The following LZTS1 variants were observed in gnomAD, a reference collection of about 807,000 sequenced individuals.
LZTS1 encodes the protein leucine zipper tumor suppressor 1.
A neutral mutation model predicts 45.8 loss-of-function variants in LZTS1; 31 were observed. That is an observed-to-expected ratio of 0.68 (90% confidence interval 0.51 to 0.91). The LOEUF (loss-of-function observed/expected upper bound fraction) is 0.91. LZTS1 is among the 40% of genes least tolerant of loss of function. The pLI is 0.00. For missense variants in LZTS1, 821 were observed against 788.9 expected (o/e 1.04, Z -0.49); for synonymous variants, 359 against 357.3 (o/e 1.00, Z -0.05).
rs140438437 is a variant in LZTS1 at position 20,286,699 on chromosome 8, G to T, written c.-135+17041C>A. 3.1e-3 allele frequency among the ~76,000 whole-genome samples: 479 copies of T among 152,290 alleles called. 1 individual carries two copies. The highest frequency in any genetic ancestry group is 5.5e-3 in the Non-Finnish European group (371 of 68,018). On this transcript the variant is annotated intron_variant, in intron 1 of 3. Coordinates refer to ENST00000381569, the MANE Select transcript of LZTS1 (RefSeq NM_021020.5). ...ACTTAAAGACCTAGCAGTTTTGTGC[G>T]TAAGAGTCCCAAACTCAAAATATCC...
intron 1 of LZTS1, among the ~76,000 whole-genome samples, chr8:20,279,987 A>T (rs1192092451): frequency 2.1e-5 from 3 of 142,528 alleles, no homozygotes; most frequent in Admixed American, 7.1e-5. Context: ...AAAAAAAAAA[A>T]TTGCTGAAAT....
intron 1 of LZTS1, among the ~76,000 whole-genome samples, chr8:20,288,024 C>A (rs544868909): frequency 6.6e-6 from 1 of 152,256 alleles, no homozygotes; most frequent in East Asian, 1.9e-4. Context: ...ATGGGGAATC[C>A]CGACTGTGGG....
At position 20,274,961 on chromosome 8, in the gene LZTS1, C is replaced by CTGTGTGTGTGTGTGTGTGTGTG. The variant is rs34482608; in HGVS notation, c.-134-19668_-134-19647dup. Reference sequence around the variant, plus strand: ...CAAAGATAGAGTGGCTGCCATGATACTGTGTGTGTGTGTGTGTGTGTGTCT... The same window carrying CTGTGTGTGTGTGTGTGTGTGTG: ...CAAAGATAGAGTGGCTGCCATGATACTGTGTGTGTGTGTGTGTGTGTGTGTGTGTGTGTGTGTGTGTGTGTCT... On this transcript the variant is annotated intron_variant, in intron 1 of 3. Transcript: ENST00000381569. Among the ~76,000 whole-genome samples, 769 of 125,722 alleles carry CTGTGTGTGTGTGTGTGTGTGTG rather than the reference C, an allele frequency of 6.1e-3. 13 individuals are homozygous for CTGTGTGTGTGTGTGTGTGTGTG. Among genetic ancestry groups the CTGTGTGTGTGTGTGTGTGTGTG allele is most frequent in the African/African-American group, 0.019 (721 of 37,422 alleles). 82.5% of individuals were successfully genotyped at this position (125,722 alleles called of 152,430 possible). A position where few individuals can be genotyped will look rare whatever the true frequency, so the allele number is the denominator to read the frequency against.
rs146990048 is a variant in LZTS1, at chr8:20,280,400, A to G, written c.-135+23340T>C. On this transcript the variant is annotated intron_variant, in intron 1 of 3. Transcript: ENST00000381569. The stretch of plus-strand genomic sequence containing the variant: ...CTTCTTCAGAGTTCACTTGTCATTC[A>G]GACCTCTGTGAAAGGCCCCCTTACA... 2.0e-5 allele frequency among the ~76,000 whole-genome samples: 3 copies of G among 152,262 alleles called. No homozygotes were observed. In the East Asian group the frequency reaches 5.8e-4, roughly 29 times the overall value.
chr8:20,251,147 A>G (rs1377944451), intron 3 of LZTS1, among the ~76,000 whole-genome samples: 2 of 109,048 alleles, frequency 1.8e-5, no homozygotes, highest in African/African-American at 6.5e-5. Context: ...ATATATATAT[A>G]TAAAATATAA....
At chr8:20,301,083 T>C (rs1801067683) in intron 1 of LZTS1, among the ~76,000 whole-genome samples, 1 of 140,114 alleles carries the variant, frequency 7.1e-6, no homozygotes, top group Admixed American at 7.8e-5. Flanking sequence ...ATCGCACCAC[T>C]GCACTCCAGC....
At chr8:20,298,315 G>A (rs1232956035) in intron 1 of LZTS1, among the ~76,000 whole-genome samples, 2 of 152,112 alleles carry the variant, frequency 1.3e-5, no homozygotes, top group East Asian at 3.9e-4. Flanking sequence ...GCCCACCTCA[G>A]TCTCCCAAAG....
At chr8:20,277,949 C>A (rs1271753463) in intron 1 of LZTS1, among the ~76,000 whole-genome samples, 1 of 152,166 alleles carries the variant, frequency 6.6e-6, no homozygotes, top group Non-Finnish European at 1.5e-5. Flanking sequence ...CACCTTGGAA[C>A]GTCTTGCTCA....
chr8:20,270,596 C>T (rs879809047), intron 1 of LZTS1, among the ~76,000 whole-genome samples: 72 of 152,144 alleles, frequency 4.7e-4, no homozygotes, highest in Non-Finnish European at 6.0e-4. Context: ...TCTGCCATAC[C>T]CAGGAGGGCT....
chr8:20,272,688 G>A (rs1328251684), intron 1 of LZTS1, among the ~76,000 whole-genome samples: 1 of 152,136 alleles, frequency 6.6e-6, no homozygotes, highest in Non-Finnish European at 1.5e-5. Flanking sequence ...GAATCATTGG[G>A]AGGAAACTCC....
chr8:20,252,306 G>A (rs1487963168), intron 3 of LZTS1, among the ~76,000 whole-genome samples: 1 of 152,150 alleles, frequency 6.6e-6, no homozygotes, highest in Non-Finnish European at 1.5e-5. Context: ...GCAAGGAGTG[G>A]CCACTTCCAT....
In LZTS1 at chr8:20,246,976, C is replaced by A. The variant is rs181938235; in HGVS notation, c.*2746G>T. The A allele has an allele frequency of 2.7e-4, 41 of 152,372 alleles. No homozygotes were observed. Among genetic ancestry groups the A allele is most frequent in the African/African-American group, 8.9e-4 (37 of 41,548 alleles). 9.4% of individuals were successfully genotyped at this position (152,372 alleles called of 1,614,324 possible). A position where few individuals can be genotyped will look rare whatever the true frequency, so the allele number is the denominator to read the frequency against. On this transcript the variant is annotated 3_prime_UTR_variant, in exon 4 of 4. Transcript: ENST00000381569. ...CCAGAGAGGCAGAATCTGGCATGGT[C>A]CAAGAATAGTGAGGGCGCTTTTGGA... is the stretch of plus-strand genomic sequence containing the variant.
At chr8:20,254,249 T>C (rs1800028961) in intron 2 of LZTS1, among the ~76,000 whole-genome samples, 1 of 152,194 alleles carries the variant, frequency 6.6e-6, no homozygotes, top group African/African-American at 2.4e-5. Context: ...GCACGAGGGC[T>C]TGAGCTGGTG....
rs749729696 is a variant in LZTS1, at chr8:20,253,531, A to C, written c.400T>G (p.Ser134Ala). The C allele has an allele frequency of 1.3e-6, 2 of 1,532,568 alleles. No individual in the cohort carries two copies. The highest frequency in any genetic ancestry group is 4.0e-5 in the Admixed American group (2 of 50,260). The allele number at this position is 1,532,568 out of a possible 1,614,324, so 94.9% of individuals were successfully genotyped here. A position where few individuals can be genotyped will look rare whatever the true frequency, so the allele number is the denominator to read the frequency against. ...GGGGAGGAGTGCAGGATGGCTCCTG[A>C]CCGTGGCAGCACAGGCTTGAAGGCT... Reference protein sequence around the residue: ...PTAFKPVLPRSGAILHSSPES... With the variant: ...PTAFKPVLPRAGAILHSSPES... Residue 134 changes from serine to alanine, a missense_variant, in exon 3 of 4, where the codon TCA (serine) becomes GCA (alanine). By Grantham distance (99) the Ser-to-Ala change is moderately conservative (BLOSUM62 1). Coordinates refer to ENST00000381569, the MANE Select transcript of LZTS1 (RefSeq NM_021020.5).
rs67555163 is a variant in LZTS1 at position 20,276,245 on chromosome 8, A to ATTTTT, written c.-134-20935_-134-20931dup. 2.7e-5 allele frequency among the ~76,000 whole-genome samples: 4 copies of ATTTTT among 145,736 alleles called. No individual in the cohort carries two copies. The East Asian group carries it at 6.2e-4, about 23-fold the overall frequency. ...TAAAATCCTTAGAGTCTCCAGAGTG[A>ATTTTT]TTTTTTTTTTTTTTTGACTGATGGT... is the stretch of plus-strand genomic sequence containing the variant. On this transcript the variant is annotated intron_variant, in intron 1 of 3. Coordinates refer to ENST00000381569, the MANE Select transcript of LZTS1 (RefSeq NM_021020.5).
intron 3 of LZTS1, 104 bp from the exon 4 acceptor site, chr8:20,250,467 G>T: frequency 8.5e-7 from 1 of 1,181,476 alleles, no homozygotes; most frequent in Non-Finnish European, 1.2e-6. Context: ...CGGATGCGGT[G>T]GCCCGGTGTT....
intron 1 of LZTS1, among the ~76,000 whole-genome samples, chr8:20,285,331 A>G (rs1257941618): frequency 6.6e-6 from 1 of 152,160 alleles, no homozygotes; most frequent in African/African-American, 2.4e-5. Flanking sequence ...CAGTTCTTCC[A>G]TGTGTAGATA....
At position 20,252,800 on chromosome 8, in the gene LZTS1, C is replaced by T. The variant is rs969341289; in HGVS notation, c.1131G>A (p.Leu377=). 3.9e-6 allele frequency: 6 copies of T among 1,524,332 alleles called. No homozygotes were observed. In the African/African-American group the frequency reaches 7.0e-5, roughly 18 times the overall value. 94.4% of individuals were successfully genotyped at this position (1,524,332 alleles called of 1,614,324 possible). Residue 377 remains leucine, a synonymous_variant, in exon 3 of 4, where the codon CTG becomes CTA. Transcript: ENST00000381569. ...EREKTSFGPA[L]EETQWEVCQK... ...GCCTCACCTCCCACTGGGTCTCCTCCAGCGCGGGGCCGAAGCTGGTCTTCT... is the reference window on the plus strand; with the variant it reads ...GCCTCACCTCCCACTGGGTCTCCTCTAGCGCGGGGCCGAAGCTGGTCTTCT...
In LZTS1 at chr8:20,247,892, G is replaced by C. The variant is rs1487324655; in HGVS notation, c.*1830C>G. 3.3e-5 allele frequency: 5 copies of C among 152,812 alleles called. No individual in the cohort carries two copies. The highest frequency in any genetic ancestry group is 7.3e-5 in the Non-Finnish European group (5 of 68,190). The allele number at this position is 152,812 out of a possible 1,614,324, so 9.5% of individuals were successfully genotyped here. On this transcript the variant is annotated 3_prime_UTR_variant, in exon 4 of 4. Coordinates refer to ENST00000381569, the MANE Select transcript of LZTS1 (RefSeq NM_021020.5). ...CTCATCTCAGCAGGCAGCAGGCGCA[G>C]GCATGTGGGAAGGGATGCTGTCCTG...
Sources: gnomAD v4.1 joint callset for allele counts (sites outside exome capture counted in the v4.1 genomes callset) on GRCh38, gnomAD v4.1.1 for gene constraint, MANE v1.5 for transcripts, NCBI Gene and HGNC (gene_info 2026-07-23, HGNC 2026-07-21) for gene names.